PTPRD: variants seen among roughly 807,000 people sequenced by gnomAD.
The protein encoded by PTPRD is protein tyrosine phosphatase receptor type D, also known as receptor-type tyrosine-protein phosphatase delta.
A neutral mutation model predicts 214.5 loss-of-function variants in PTPRD; 34 were observed. The observed-to-expected ratio is 0.16, with a 90% CI of 0.12 to 0.21. The LOEUF (loss-of-function observed/expected upper bound fraction) is 0.21. PTPRD is among the 10% of genes least tolerant of loss of function. The pLI, the probability that PTPRD is intolerant of heterozygous loss-of-function variation, is 1.00. For synonymous variants in PTPRD, 1,128 were observed against 845.7 expected, an observed-to-expected ratio of 1.33 and a Z score of -5.79; for missense variants, 2,545 against 2,398.7, an observed-to-expected ratio of 1.06 and a Z score of -1.27.
intron 11 of PTPRD, among the ~76,000 whole-genome samples, chr9:8,746,638 T>A (rs548506580): frequency 6.6e-6 from 1 of 152,192 alleles, no homozygotes. Context: ...CCAATTGTTA[T>A]CTTAAATGAA....
intron 4 of PTPRD, among the ~76,000 whole-genome samples, chr9:9,963,639 G>T (rs1179084354): frequency 6.6e-6 from 1 of 152,142 alleles, no homozygotes; most frequent in Admixed American, 6.5e-5. Flanking sequence ...TGGGTAGGTA[G>T]AGACAGTTGA....
chr9:10,082,327 T>C (rs1003870727), intron 3 of PTPRD, among the ~76,000 whole-genome samples: 3 of 152,158 alleles, frequency 2.0e-5, no homozygotes, highest in African/African-American at 7.2e-5. Context: ...GACCTGTGAC[T>C]TGGGGATGTC....
At chr9:8,379,714 A>C (rs2084367816) in intron 37 of PTPRD, among the ~76,000 whole-genome samples, 1 of 152,164 alleles carries the variant, frequency 6.6e-6, no homozygotes, top group African/African-American at 2.4e-5. Context: ...CATAAAGCTG[A>C]TTGTGAGATG....
intron 11 of PTPRD, among the ~76,000 whole-genome samples, chr9:9,009,673 T>C (rs567695570): frequency 2.6e-4 from 40 of 152,096 alleles, no homozygotes; most frequent in Non-Finnish European, 7.4e-5. Flanking sequence ...TAGATGTAGA[T>C]GACATTGGTG....
intron 2 of PTPRD, among the ~76,000 whole-genome samples, chr9:10,540,396 T>C (rs969905884): frequency 3.3e-5 from 5 of 152,164 alleles, no homozygotes; most frequent in Non-Finnish European, 7.4e-5. Context: ...CTAAAGTCCA[T>C]TACCCTCAAT....
intron 5 of PTPRD, among the ~76,000 whole-genome samples, chr9:9,919,120 G>A (rs537306922): frequency 6.1e-4 from 93 of 152,168 alleles, no homozygotes; most frequent in Middle Eastern, 3.4e-3. Flanking sequence ...GACAATATTT[G>A]ATTTATATAA....
intron 10 of PTPRD, among the ~76,000 whole-genome samples, chr9:9,027,290 T>C (rs1430814160): frequency 6.6e-6 from 1 of 151,832 alleles, no homozygotes; most frequent in Non-Finnish European, 1.5e-5. Context: ...TTAAGAAGAA[T>C]AGATAGATAT....
chr9:9,585,300 T>C (rs1306821175), intron 7 of PTPRD, among the ~76,000 whole-genome samples: 3 of 152,088 alleles, frequency 2.0e-5, no homozygotes, highest in Admixed American at 1.3e-4. Flanking sequence ...TATGAATATA[T>C]TTTCGGATCC....
intron 2 of PTPRD, among the ~76,000 whole-genome samples, chr9:10,558,907 C>G (rs539293492): frequency 6.6e-6 from 1 of 152,116 alleles, no homozygotes; most frequent in East Asian, 1.9e-4. Context: ...TTTCACACAT[C>G]TTGTTAGGAA....
intron 3 of PTPRD, among the ~76,000 whole-genome samples, chr9:10,159,547 T>C (rs1176888010): frequency 6.6e-6 from 1 of 152,058 alleles, no homozygotes; most frequent in East Asian, 1.9e-4. Flanking sequence ...AAGACAGTAA[T>C]ATATGAACTC....
At chr9:8,851,601 G>C (rs967951992) in intron 11 of PTPRD, among the ~76,000 whole-genome samples, 1 of 152,148 alleles carries the variant, frequency 6.6e-6, no homozygotes, top group Non-Finnish European at 1.5e-5. Context: ...GAAGACAACA[G>C]AACTCTATCA....
At chr9:8,416,219 A>G (rs2131320978) in intron 35 of PTPRD, among the ~76,000 whole-genome samples, 1 of 152,324 alleles carries the variant, frequency 6.6e-6, no homozygotes, top group South Asian at 2.1e-4. Flanking sequence ...GTGGAAAGAT[A>G]AACTTTTACT....
intron 10 of PTPRD, among the ~76,000 whole-genome samples, chr9:9,100,510 G>A (rs1411949873): frequency 6.6e-6 from 1 of 152,140 alleles, no homozygotes; most frequent in East Asian, 1.9e-4. Flanking sequence ...ACATGACCCA[G>A]AAGACAATTC....
At chr9:10,048,807 C>G (rs1163789644) in intron 3 of PTPRD, among the ~76,000 whole-genome samples, 2 of 152,002 alleles carry the variant, frequency 1.3e-5, no homozygotes, top group African/African-American at 4.8e-5. Flanking sequence ...GTTTCTTTCA[C>G]TAAAATGCTA....
intron 9 of PTPRD, among the ~76,000 whole-genome samples, chr9:9,257,301 T>C (rs2099978149): frequency 6.6e-6 from 1 of 151,960 alleles, no homozygotes; most frequent in South Asian, 2.1e-4. Flanking sequence ...TAGTATGTAT[T>C]TGTATTTACA....
chr9:10,025,022 G>A (rs2096896532), intron 4 of PTPRD, among the ~76,000 whole-genome samples: 1 of 151,702 alleles, frequency 6.6e-6, no homozygotes, highest in African/African-American at 2.4e-5. Context: ...TCTTAATCCA[G>A]TCTATCATTG....
chr9:10,606,264 G>A (rs2079315879), intron 2 of PTPRD, among the ~76,000 whole-genome samples: 1 of 151,728 alleles, frequency 6.6e-6, no homozygotes, highest in South Asian at 2.1e-4. Context: ...AACCATTTGG[G>A]TGAAGAATAA....
intron 7 of PTPRD, among the ~76,000 whole-genome samples, chr9:9,675,706 A>C (rs1354973357): frequency 1.3e-5 from 2 of 152,044 alleles, no homozygotes; most frequent in African/African-American, 4.8e-5. Context: ...ACTGTAAAGA[A>C]AATAGGTCCA....
At chr9:9,800,231 A>G (rs566982037) in intron 5 of PTPRD, among the ~76,000 whole-genome samples, 2 of 152,276 alleles carry the variant, frequency 1.3e-5, no homozygotes, top group African/African-American at 4.8e-5. Context: ...GCTACTCCAG[A>G]GACTGAGGCG....
Sources: gnomAD v4.1 joint callset for allele counts (sites outside exome capture counted in the v4.1 genomes callset) on GRCh38, gnomAD v4.1.1 for gene constraint, MANE v1.5 for transcripts, NCBI Gene and HGNC (gene_info 2026-07-23, HGNC 2026-07-21) for gene names.